The following DOK6 variants were observed in gnomAD, a reference collection of about 807,000 sequenced individuals.
DOK6 encodes downstream of tyrosine kinase 6.
DOK6 carries 22 observed loss-of-function variants against 44.0 expected under a neutral mutation model. That is an observed-to-expected ratio of 0.50 (90% CI 0.36 to 0.71). DOK6 has a LOEUF of 0.71. DOK6 is among the 30% of genes least tolerant of loss of function. The pLI is 0.00. For missense variants in DOK6, 340 were observed against 416.4 expected, an observed-to-expected ratio of 0.82 and a Z score of 1.60; for synonymous variants, 166 against 145.5, an observed-to-expected ratio of 1.14 and a Z score of -1.01.
intron 7 of DOK6, among the ~76,000 whole-genome samples, chr18:69,821,726 T>C (rs1307354188): frequency 6.6e-6 from 1 of 152,040 alleles, no homozygotes; most frequent in African/African-American, 2.4e-5. Context: ...ATTTTTCCCC[T>C]GTGAAAATCA....
intron 1 of DOK6, among the ~76,000 whole-genome samples, chr18:69,467,739 G>A (rs1979969327): frequency 6.6e-6 from 1 of 152,218 alleles, no homozygotes. Context: ...GTTACTTACT[G>A]TTAACATAAT....
chr18:69,615,772 CAA>C (rs1331821751), intron 3 of DOK6, among the ~76,000 whole-genome samples: 1 of 152,138 alleles, frequency 6.6e-6, no homozygotes, highest in African/African-American at 2.4e-5. Flanking sequence ...CTGATTTGAG[CAA>C]AGTTTGATGA....
chr18:69,732,568 T>C (rs1339461662), intron 5 of DOK6, among the ~76,000 whole-genome samples: 2 of 152,142 alleles, frequency 1.3e-5, no homozygotes, highest in African/African-American at 2.4e-5. Flanking sequence ...CAACTAGTCG[T>C]CTTATTGAGT....
At chr18:69,549,095 C>CAAAAA (rs370363528) in intron 1 of DOK6, among the ~76,000 whole-genome samples, 1 of 132,494 alleles carries the variant, frequency 7.5e-6, no homozygotes, top group Non-Finnish European at 1.6e-5. Flanking sequence ...GACTCCGTCT[C>CAAAAA]AAAAAAAAAA....
rs537248216 is a variant in DOK6, at chr18:69,750,043, TTA to T, written c.739-7699_739-7698del. Among the ~76,000 whole-genome samples, 11 of 146,736 alleles carry T rather than the reference TTA, an allele frequency of 7.5e-5. No individual in the cohort carries two copies. The East Asian group carries it at 7.9e-4, about 10-fold the overall frequency. On this transcript the variant is annotated intron_variant, in intron 6 of 7. Transcript: ENST00000382713. ...TGGCTGAAAATAAGGAAAAGGCATT[TTA>T]TATATATATATATTATATATATATA...
intron 3 of DOK6, among the ~76,000 whole-genome samples, chr18:69,666,028 G>C (rs1276582555): frequency 2.0e-5 from 3 of 152,096 alleles, no homozygotes; most frequent in Non-Finnish European, 2.9e-5. Flanking sequence ...TAGCTCAAAG[G>C]CTTATCATTT....
intron 7 of DOK6, among the ~76,000 whole-genome samples, chr18:69,832,035 G>T (rs952106363): frequency 2.0e-5 from 3 of 151,996 alleles, no homozygotes; most frequent in Non-Finnish European, 4.4e-5. Context: ...TTTCTTTTGC[G>T]TAATTGCTCT....
chr18:69,653,512 T>G (rs755447037), intron 3 of DOK6, among the ~76,000 whole-genome samples: 1 of 152,054 alleles, frequency 6.6e-6, no homozygotes, highest in Non-Finnish European at 1.5e-5. Context: ...GAACTTCCAA[T>G]AGACTCATGA....
At chr18:69,579,184 A>G (rs1280765251) in intron 2 of DOK6, among the ~76,000 whole-genome samples, 1 of 152,202 alleles carries the variant, frequency 6.6e-6, no homozygotes, top group Non-Finnish European at 1.5e-5. Context: ...TCCTGAAGAA[A>G]TGGTTCAATT....
At chr18:69,686,807 G>T (rs1986162055) in intron 4 of DOK6, among the ~76,000 whole-genome samples, 1 of 152,006 alleles carries the variant, frequency 6.6e-6, no homozygotes, top group African/African-American at 2.4e-5. Context: ...GTTTTTCTTA[G>T]ATTGAGTTAA....
At chr18:69,622,896 C>T (rs570371025) in intron 3 of DOK6, among the ~76,000 whole-genome samples, 6 of 152,146 alleles carry the variant, frequency 3.9e-5, no homozygotes, top group Non-Finnish European at 5.9e-5. Flanking sequence ...TTACCAATAC[C>T]ATTCCTGAAT....
chr18:69,486,790 C>CT (rs1370886608), intron 1 of DOK6, among the ~76,000 whole-genome samples: 1 of 152,064 alleles, frequency 6.6e-6, no homozygotes, highest in Admixed American at 6.6e-5. Context: ...GCATACTTTT[C>CT]TTTTTAACTA....
At chr18:69,676,604 AG>A (rs1456052952) in intron 3 of DOK6, among the ~76,000 whole-genome samples, 1 of 152,200 alleles carries the variant, frequency 6.6e-6, no homozygotes, top group African/African-American at 2.4e-5. Context: ...TGTATGGAAA[AG>A]TCAGAAACTT....
chr18:69,464,715 A>C (rs1979879227), intron 1 of DOK6, among the ~76,000 whole-genome samples: 1 of 152,230 alleles, frequency 6.6e-6, no homozygotes, highest in Non-Finnish European at 1.5e-5. Flanking sequence ...ATTGTGAAGA[A>C]AGTCAGTCTT....
intron 2 of DOK6, among the ~76,000 whole-genome samples, chr18:69,596,497 T>A (rs1490236521): frequency 6.6e-6 from 1 of 152,090 alleles, no homozygotes; most frequent in Non-Finnish European, 1.5e-5. Context: ...GAAAAACTGC[T>A]CTTCACTTAC....
At chr18:69,752,847 A>T (rs1351005229) in intron 6 of DOK6, among the ~76,000 whole-genome samples, 1 of 152,140 alleles carries the variant, frequency 6.6e-6, no homozygotes, top group Non-Finnish European at 1.5e-5. Flanking sequence ...TGGAGCAGCC[A>T]GGGTGGATGG....
intron 1 of DOK6, among the ~76,000 whole-genome samples, chr18:69,555,641 G>A (rs920090593): frequency 6.6e-6 from 1 of 152,000 alleles, no homozygotes; most frequent in African/African-American, 2.4e-5. Context: ...AATTGGTCTT[G>A]GCATTCTATT....
chr18:69,762,163 A>G (rs1979580710), intron 7 of DOK6, among the ~76,000 whole-genome samples: 2 of 151,740 alleles, frequency 1.3e-5, no homozygotes, highest in Admixed American at 6.6e-5. Context: ...ACATACATAC[A>G]TACATACATA....
At chr18:69,650,949 G>A (rs1196315325) in intron 3 of DOK6, among the ~76,000 whole-genome samples, 1 of 152,054 alleles carries the variant, frequency 6.6e-6, no homozygotes, top group Admixed American at 6.5e-5. Flanking sequence ...TCAAGGCGGT[G>A]GTTAAAATTT....
Sources: allele counts gnomAD v4.1 joint callset (sites outside exome capture counted in the v4.1 genomes callset), GRCh38; gene constraint gnomAD v4.1.1; transcripts MANE v1.5; gene names NCBI Gene and HGNC (gene_info 2026-07-23, HGNC 2026-07-21).